ARHGEF3: variants seen among roughly 807,000 people sequenced by gnomAD.
The protein encoded by ARHGEF3 is Rho guanine nucleotide exchange factor 3, also known as 59.8 kDA protein.
A neutral mutation model predicts 63.2 loss-of-function variants in ARHGEF3; 28 were observed. The ratio of observed to expected loss-of-function variants is 0.44; its 90% CI spans 0.33 to 0.61. ARHGEF3 has a LOEUF of 0.61. Ranked by LOEUF, ARHGEF3 falls within the 20% of genes least tolerant of loss-of-function variation. The probability of loss-of-function intolerance (pLI) is 0.03; values close to 1 mark genes in which losing one functional copy is unlikely to be tolerated. For synonymous variants in ARHGEF3, 266 were observed against 254.2 expected, an observed-to-expected ratio of 1.05 and a Z score of -0.44; for missense variants, 533 against 659.3, an observed-to-expected ratio of 0.81 and a Z score of 2.10.
At chr3:56,983,587 C>T (rs1186186325) in intron 2 of ARHGEF3, among the ~76,000 whole-genome samples, 11 of 152,206 alleles carry the variant, frequency 7.2e-5, no homozygotes, top group Admixed American at 7.2e-4. Context: ...AATGCATTTA[C>T]AACACAGCCC....
At chr3:57,025,205 C>T (rs569957011) in intron 2 of ARHGEF3, among the ~76,000 whole-genome samples, 5 of 152,162 alleles carry the variant, frequency 3.3e-5, no homozygotes, top group Admixed American at 6.5e-5. Flanking sequence ...AGGAATGGGC[C>T]GAGATGAGTA....
chr3:56,913,778 C>T (rs1052948979), intron 3 of ARHGEF3, among the ~76,000 whole-genome samples: 104 of 152,268 alleles, frequency 6.8e-4, no homozygotes, highest in African/African-American at 2.1e-3. Context: ...TCAGCAATCC[C>T]ACTACTGGCT....
At chr3:57,037,691 G>A (rs1171778955) in intron 1 of ARHGEF3, among the ~76,000 whole-genome samples, 3 of 152,142 alleles carry the variant, frequency 2.0e-5, no homozygotes, top group Non-Finnish European at 2.9e-5. Context: ...TGGCTAACAC[G>A]GTGAAAACCC....
At position 56,732,082 on chromosome 3, in the gene ARHGEF3, G is replaced by T. The variant is rs1393070301; in HGVS notation, c.1228+156C>A. On this transcript the variant is annotated intron_variant, in intron 9 of 9. Transcript: ENST00000296315. The stretch of plus-strand genomic sequence containing the variant: ...GAGATGAGAAACTGAGAATCACAGG[G>T]ACTAAACAAAGTACATAATCAGGAA... 4.7e-6 allele frequency: 4 copies of T among 857,960 alleles called. No individual in the cohort carries two copies. In the African/African-American group the frequency reaches 6.7e-5, roughly 14 times the overall value. 53.1% of individuals were successfully genotyped at this position (857,960 alleles called of 1,614,324 possible). A position where few individuals can be genotyped will look rare whatever the true frequency, so the allele number is the denominator to read the frequency against.
intron 3 of ARHGEF3, among the ~76,000 whole-genome samples, chr3:56,898,365 A>G (rs2041381299): frequency 6.6e-6 from 1 of 151,818 alleles, no homozygotes; most frequent in African/African-American, 2.4e-5. Context: ...ATGTGCCACC[A>G]CACTGGCTGA....
chr3:56,914,657 G>GTGGTATAC (rs2041938781), intron 3 of ARHGEF3, among the ~76,000 whole-genome samples: 1 of 152,146 alleles, frequency 6.6e-6, no homozygotes, highest in Non-Finnish European at 1.5e-5. Flanking sequence ...TACAATAACG[G>GTGGTATAC]AATATTCTTA....
chr3:56,846,135 G>A (rs2039481236), intron 4 of ARHGEF3, among the ~76,000 whole-genome samples: 1 of 152,206 alleles, frequency 6.6e-6, no homozygotes, highest in South Asian at 2.1e-4. Flanking sequence ...TGTTTAACAT[G>A]TAATCTCCTT....
At chr3:56,819,940 G>A (rs2038415673) in intron 4 of ARHGEF3, among the ~76,000 whole-genome samples, 1 of 151,948 alleles carries the variant, frequency 6.6e-6, no homozygotes, top group Non-Finnish European at 1.5e-5. Flanking sequence ...TTCCCAAGTA[G>A]CTGGGACTAC....
At chr3:57,042,588 T>C (rs1451244944) in intron 1 of ARHGEF3, among the ~76,000 whole-genome samples, 3 of 144,180 alleles carry the variant, frequency 2.1e-5, no homozygotes, top group African/African-American at 7.7e-5. Context: ...GGCTCCCCGC[T>C]CTCCAACCTG....
intron 3 of ARHGEF3, among the ~76,000 whole-genome samples, chr3:56,909,237 C>T (rs1475579882): frequency 6.6e-6 from 1 of 152,198 alleles, no homozygotes; most frequent in African/African-American, 2.4e-5. Flanking sequence ...CTCAAAGATA[C>T]ACATGAACTC....
At chr3:57,019,872 ACTCT>A (rs1703180073) in intron 2 of ARHGEF3, among the ~76,000 whole-genome samples, 1 of 151,994 alleles carries the variant, frequency 6.6e-6, no homozygotes, top group Admixed American at 6.6e-5. Context: ...TGATGCCTTA[ACTCT>A]CTATTTCCAT....
At chr3:56,740,267 A>AT (rs1382125395) in intron 7 of ARHGEF3, among the ~76,000 whole-genome samples, 1 of 93,604 alleles carries the variant, frequency 1.1e-5, no homozygotes, top group South Asian at 4.7e-4. Flanking sequence ...CACTACTTTG[A>AT]TTTAAAAAAA....
intron 3 of ARHGEF3, among the ~76,000 whole-genome samples, chr3:56,938,034 A>T (rs891528951): frequency 1.3e-5 from 2 of 152,228 alleles, no homozygotes; most frequent in Non-Finnish European, 1.5e-5. Context: ...CTGCTGTATA[A>T]GAATGTCTCC....
At chr3:57,051,648 A>G (rs753405475) in intron 1 of ARHGEF3, among the ~76,000 whole-genome samples, 3 of 152,184 alleles carry the variant, frequency 2.0e-5, no homozygotes, top group Non-Finnish European at 4.4e-5. Flanking sequence ...AGCCCACCAC[A>G]GGCACTGATG....
intron 4 of ARHGEF3, among the ~76,000 whole-genome samples, chr3:56,815,867 T>C (rs2038250850): frequency 6.6e-6 from 1 of 152,124 alleles, no homozygotes; most frequent in African/African-American, 2.4e-5. Context: ...CCTTCAAGGG[T>C]GGGCTGCTTG....
intron 1 of ARHGEF3, among the ~76,000 whole-genome samples, chr3:56,780,029 C>A (rs1396913864): frequency 6.6e-6 from 1 of 152,164 alleles, no homozygotes; most frequent in South Asian, 2.1e-4. Flanking sequence ...GTATCATTAT[C>A]CCCATTTTAT....
At chr3:56,776,619 A>G (rs1030491716) in intron 1 of ARHGEF3, among the ~76,000 whole-genome samples, 2 of 152,226 alleles carry the variant, frequency 1.3e-5, no homozygotes, top group Admixed American at 6.5e-5. Flanking sequence ...CATTTACTCA[A>G]TATGTCTCCA....
intron 2 of ARHGEF3, among the ~76,000 whole-genome samples, chr3:56,973,370 G>T (rs1701002270): frequency 6.6e-6 from 1 of 152,202 alleles, no homozygotes; most frequent in African/African-American, 2.4e-5. Context: ...ATTAAGTACA[G>T]AAGGTGAAAT....
intron 4 of ARHGEF3, among the ~76,000 whole-genome samples, chr3:56,849,915 T>C (rs979973776): frequency 1.3e-5 from 2 of 152,172 alleles, no homozygotes; most frequent in South Asian, 4.1e-4. Context: ...TGAAAGGGCC[T>C]TTTGGAAAAC....
Sources: allele counts gnomAD v4.1 joint callset (sites outside exome capture counted in the v4.1 genomes callset), GRCh38; gene constraint gnomAD v4.1.1; transcripts MANE v1.5; gene names NCBI Gene and HGNC (gene_info 2026-07-23, HGNC 2026-07-21).